Variants in LSP1 observed in about 807,000 individuals in gnomAD.
LSP1 encodes the protein lymphocyte specific protein 1, also known as lymphocyte-specific protein 1.
In LSP1, 32 loss-of-function variants were observed where a neutral mutation model predicts 49.3. The ratio of observed to expected loss-of-function variants is 0.65; its 90% CI spans 0.49 to 0.87. The LOEUF is 0.87. LSP1 is among the 40% of genes least tolerant of loss of function. LSP1 has a pLI of 0.00. For synonymous variants in LSP1, 179 were observed against 178.8 expected (o/e 1.00, Z -0.01); for missense variants, 428 against 442.6 (o/e 0.97, Z 0.30).
intron 1 of LSP1, among the ~76,000 whole-genome samples, chr11:1,860,881 A>G (rs909922548): frequency 2.3e-5 from 2 of 86,008 alleles, no homozygotes; most frequent in African/African-American, 8.7e-5. Context: ...TGGAATATGG[A>G]CATATAAATG....
chr11:1,853,184 G>A lies in LSP1; in HGVS notation c.40G>A (p.Glu14Lys), dbSNP rs1847403393. The A allele has an allele frequency of 1.9e-6, 3 of 1,611,052 alleles. No homozygotes were observed. Among genetic ancestry groups the A allele is most frequent in the Non-Finnish European group, 1.7e-6 (2 of 1,179,398 alleles). Reference sequence around the variant, plus strand: ...GAGTGACCCGGGTGCCGAGGAGCGGGAAGAGTTGCTGGGGTAAGGGTCTGC... The same window carrying A: ...GAGTGACCCGGGTGCCGAGGAGCGGAAAGAGTTGCTGGGGTAAGGGTCTGC... ...ASSDPGAEER[E>K]ELLGPTAQWS... Residue 14 changes from glutamate to lysine, a missense_variant, in exon 1 of 11, where the codon GAA (glutamate) becomes AAA (lysine). Physicochemically the swap from Glu to Lys is moderately conservative, Grantham distance 56. Transcript: ENST00000311604.
chr11:1,890,525 G>A, intron 10 of LSP1: 1 of 716,118 alleles, frequency 1.4e-6, no homozygotes, highest in East Asian at 2.7e-5. Flanking sequence ...GGGGTCCAGG[G>A]GTTCCCTGGA....
chr11:1,881,319 G>A, intron 2 of LSP1, 113 bp from the exon 3 acceptor site: 1 of 1,045,174 alleles, frequency 9.6e-7, no homozygotes, highest in East Asian at 2.8e-5. Flanking sequence ...GTGGCAGACA[G>A]GGTCTCCCAC....
intron 1 of LSP1, among the ~76,000 whole-genome samples, chr11:1,857,959 T>C (rs1374390750): frequency 6.6e-6 from 1 of 152,174 alleles, no homozygotes; most frequent in East Asian, 1.9e-4. Flanking sequence ...TTTCACCATG[T>C]TGGCCAGGCT....
chr11:1,884,074 A>G lies in LSP1; in HGVS notation c.591+50A>G. On this transcript the variant is annotated intron_variant, in intron 5 of 10. Transcript: ENST00000311604. This position sits in a 1 kb window ranked among gnomAD's most constrained non-coding sequence, Gnocchi z 4.1. ...ATCTTCTCCCCTCTCCCGTACTCAT[A>G]CCCAAAAGGCCAATCCCACATGCCA... 6.4e-7 allele frequency: 1 copy of G among 1,556,312 alleles called. No homozygotes were observed. Among genetic ancestry groups the G allele is most frequent in the Non-Finnish European group, 8.8e-7 (1 of 1,141,370 alleles).
At chr11:1,866,552 G>A (rs1223655494) in intron 1 of LSP1, 4 of 1,544,798 alleles carry the variant, frequency 2.6e-6, no homozygotes, top group Non-Finnish European at 3.5e-6. Context: ...GATCTGCAGT[G>A]GGCCCCTGGC....
chr11:1,862,140 A>G (rs987195145), intron 1 of LSP1, among the ~76,000 whole-genome samples: 1 of 152,106 alleles, frequency 6.6e-6, no homozygotes, highest in Non-Finnish European at 1.5e-5. Flanking sequence ...GGTAAAATGG[A>G]TGGATGAACT....
chr11:1,865,809 G>A (rs978813619), intron 1 of LSP1, among the ~76,000 whole-genome samples: 1 of 151,806 alleles, frequency 6.6e-6, no homozygotes, highest in African/African-American at 2.4e-5. Context: ...CGGATCCTGG[G>A]CACCCTTCAG....
chr11:1,854,285 C>T (rs1284605962), intron 1 of LSP1, among the ~76,000 whole-genome samples: 1 of 152,126 alleles, frequency 6.6e-6, no homozygotes, highest in African/African-American at 2.4e-5. Context: ...ACAGGACGGA[C>T]CTGAGAGGAG....
At chr11:1,878,763 G>A (rs1848416340) in intron 1 of LSP1, among the ~76,000 whole-genome samples, 1 of 152,154 alleles carries the variant, frequency 6.6e-6, no homozygotes, top group African/African-American at 2.4e-5. Flanking sequence ...GTTCTGGCCT[G>A]GGCTCCCTCC....
chr11:1,884,395 A>T lies in LSP1; in HGVS notation c.635+72A>T. The T allele has an allele frequency of 3.1e-6, 5 of 1,610,870 alleles. No homozygotes were observed. The highest frequency in any genetic ancestry group is 4.2e-6 in the Non-Finnish European group (5 of 1,177,198). On this transcript the variant is annotated intron_variant, in intron 6 of 10. Transcript: ENST00000311604. The surrounding 1 kb of genome is among the most constrained non-coding windows in gnomAD (Gnocchi z 4.1). ...AACCAAGTGGGGGTTGAAGGGAGTC[A>T]CAAGGTAGAGATCTGGAGACCGAGG...
intron 1 of LSP1, among the ~76,000 whole-genome samples, chr11:1,855,765 C>T (rs968372100): frequency 2.0e-5 from 3 of 152,186 alleles, no homozygotes; most frequent in Non-Finnish European, 2.9e-5. Context: ...GGGGCAGGGA[C>T]GAGGATTTCA....
chr11:1,883,899 G>A (rs372633608), intron 4 of LSP1, 33 bp from the exon 5 acceptor site: 10 of 1,570,090 alleles, frequency 6.4e-6, no homozygotes, highest in Non-Finnish European at 7.8e-6. Flanking sequence ...ACAAGCAGGG[G>A]GTCACTTGGG....
Position 1,886,820 on chromosome 11 carries a change from C to G in LSP1, c.806C>G (p.Thr269Arg), listed in dbSNP as rs771463495. 8.1e-6 allele frequency: 13 copies of G among 1,611,804 alleles called. No individual in the cohort carries two copies. The highest frequency in any genetic ancestry group is 1.1e-5 in the Non-Finnish European group (13 of 1,179,798). Residue 269 changes from threonine to arginine, a missense_variant, in exon 8 of 11, where the codon ACG becomes AGG. Physicochemically the swap from Thr to Arg is moderately conservative, Grantham distance 71. Coordinates refer to ENST00000311604, the MANE Select transcript of LSP1 (RefSeq NM_002339.3). ...AVASTKSRWE[T>R]GEVQAQSAAK... ...GCCAGTACCAAGAGTCGGTGGGAGA[C>G]GGGTGAGGTACAGGCTCAGTCTGCG...
intron 3 of LSP1, 151 bp downstream of exon 3, chr11:1,881,747 A>C: frequency 2.5e-6 from 2 of 814,322 alleles, no homozygotes; most frequent in Non-Finnish European, 3.4e-6. Flanking sequence ...CAGGCCCTCA[A>C]CCTGCGCCTG....
intron 7 of LSP1, among the ~76,000 whole-genome samples, chr11:1,886,423 T>C (rs9667035): frequency 0.91 from 139,288 of 152,234 alleles, 64,193 homozygotes; most frequent in East Asian, 1. Flanking sequence ...ATTGTCCCTC[T>C]ATCCATTCAA....
intron 4 of LSP1, 36 bp from the exon 5 acceptor site, chr11:1,883,895 AG>A: frequency 1.3e-6 from 2 of 1,560,130 alleles, no homozygotes; most frequent in Non-Finnish European, 1.7e-6. Context: ...GGGCACAAGC[AG>A]GGGGTCACTT....
At chr11:1,861,516 A>T (rs1847628075) in intron 1 of LSP1, among the ~76,000 whole-genome samples, 1 of 152,150 alleles carries the variant, frequency 6.6e-6, no homozygotes, top group Non-Finnish European at 1.5e-5. Flanking sequence ...GGATGGATGG[A>T]TGGGTGGATG....
intron 1 of LSP1, chr11:1,871,058 T>C (rs918615703): frequency 1.0e-6 from 1 of 985,514 alleles, no homozygotes; most frequent in East Asian, 1.1e-4. Context: ...GGGTGAGAGC[T>C]GCGGCGGAGG....
Sources: allele counts gnomAD v4.1 joint callset (sites outside exome capture counted in the v4.1 genomes callset), GRCh38; gene constraint gnomAD v4.1.1; non-coding constraint Gnocchi (gnomAD v3.1); transcripts MANE v1.5; gene names NCBI Gene and HGNC (gene_info 2026-07-23, HGNC 2026-07-21).